The following SCGB1D4 variants were observed in gnomAD, a reference collection of about 807,000 sequenced individuals.
SCGB1D4 encodes the protein IFN-gamma inducible SCGB (IIS).
SCGB1D4 carries 6 observed loss-of-function variants against 8.1 expected under a neutral mutation model. The observed-to-expected ratio is 0.74, with a 90% CI of 0.40 to 1.45. The LOEUF is 1.45. Ranked by LOEUF, SCGB1D4 falls within the 40% of genes most tolerant of loss-of-function variation. SCGB1D4 has a pLI of 0.02. For missense variants in SCGB1D4, 93 were observed against 95.0 expected (o/e 0.98, Z 0.09); for synonymous variants, 34 against 38.1 (o/e 0.89, Z 0.39).
In SCGB1D4 at chr11:62,299,062, G is replaced by A. The variant is rs758499126; in HGVS notation, c.-52C>T. 3.7e-5 allele frequency: 59 copies of A among 1,586,220 alleles called. No individual in the cohort carries two copies. The highest frequency in any genetic ancestry group is 4.9e-5 in the Non-Finnish European group (57 of 1,160,120). Reference sequence around the variant, plus strand: ...CTTTCACAATGAGTGATTTGGATTCGACTCCAGGAGCCTGTGTAGTCATGG... The same window carrying A: ...CTTTCACAATGAGTGATTTGGATTCAACTCCAGGAGCCTGTGTAGTCATGG... On this transcript the variant is annotated 5_prime_UTR_variant, in exon 1 of 3. Coordinates refer to ENST00000358585, the MANE Select transcript of SCGB1D4 (RefSeq NM_206998.2).
chr11:62,297,733 C>T lies in SCGB1D4; in HGVS notation c.56-75G>A. The T allele has an allele frequency of 2.5e-6, 3 of 1,204,408 alleles. No individual in the cohort carries two copies. The South Asian group carries it at 4.1e-5, about 16-fold the overall frequency. 74.6% of individuals were successfully genotyped at this position (1,204,408 alleles called of 1,614,324 possible). A position where few individuals can be genotyped will look rare whatever the true frequency, so the allele number is the denominator to read the frequency against. On this transcript the variant is annotated intron_variant, in intron 1 of 2. Coordinates refer to ENST00000358585, the MANE Select transcript of SCGB1D4 (RefSeq NM_206998.2). ...CTCTCATGGCTCCCTGAGGTTACAC[C>T]AGACAGGATCCCCTGGGTTCTATGT...
In SCGB1D4 at chr11:62,299,073, C is replaced by T. The variant is rs1945468355; in HGVS notation, c.-63G>A. On this transcript the variant is annotated 5_prime_UTR_variant, in exon 1 of 3. Transcript: ENST00000358585. The stretch of plus-strand genomic sequence containing the variant: ...AGTGATTTGGATTCGACTCCAGGAG[C>T]CTGTGTAGTCATGGAGGCCAGGGCT... 1.3e-6 allele frequency: 2 copies of T among 1,553,118 alleles called. No homozygotes were observed. Among genetic ancestry groups the T allele is most frequent in the Non-Finnish European group, 1.8e-6 (2 of 1,135,028 alleles).
chr11:62,296,402 T>C lies in SCGB1D4; in HGVS notation c.*8A>G. The C allele has an allele frequency of 6.2e-7, 1 of 1,611,730 alleles. No individual in the cohort carries two copies. The highest frequency in any genetic ancestry group is 8.5e-7 in the Non-Finnish European group (1 of 1,178,572). ...GCATTTTTACATGTCACACACCACA[T>C]TTTTTCACTATTTCCACCTGAAATC... On this transcript the variant is annotated 3_prime_UTR_variant, in exon 3 of 3. Coordinates refer to ENST00000358585, the MANE Select transcript of SCGB1D4 (RefSeq NM_206998.2).
At chr11:62,298,478 G>A (rs548339931) in intron 1 of SCGB1D4, among the ~76,000 whole-genome samples, 1 of 152,152 alleles carries the variant, frequency 6.6e-6, no homozygotes. Flanking sequence ...GCTCTAAGCA[G>A]CCAGGCGCAG....
Position 62,297,515 on chromosome 11 carries a change from C to CCA in SCGB1D4, c.198_199insTG (p.Asp67TrpfsTer12). 1 of 1,607,468 alleles carries CCA rather than the reference C, an allele frequency of 6.2e-7. No homozygotes were observed. Among genetic ancestry groups the CCA allele is most frequent in the Non-Finnish European group, 8.5e-7 (1 of 1,175,954 alleles). ...AGTCGTTTCTTAAAAGATATCTGATCGGTGCAGTGCTTCACTTCCAACTTG... is the reference window on the plus strand; with the variant it reads ...AGTCGTTTCTTAAAAGATATCTGATCCAGGTGCAGTGCTTCACTTCCAACTTG... On this transcript the variant is annotated frameshift_variant, in exon 2 of 3. Coordinates refer to ENST00000358585, the MANE Select transcript of SCGB1D4 (RefSeq NM_206998.2). LOFTEE classifies it low-confidence loss of function (END_TRUNC).
rs745645177 is a variant in SCGB1D4 at position 62,297,655 on chromosome 11, TG to T, written c.58del (p.His20MetfsTer18). 1.2e-6 allele frequency: 2 copies of T among 1,608,834 alleles called. No homozygotes were observed. Among genetic ancestry groups the T allele is most frequent in the Non-Finnish European group, 1.7e-6 (2 of 1,178,418 alleles). Reference sequence around the variant, plus strand: ...AGCAACAGCTGGGCAGACAAGAGCATGGGCTGCAGCACAAAAATAAAAATAT... The same window carrying T: ...AGCAACAGCTGGGCAGACAAGAGCATGGCTGCAGCACAAAAATAAAAATAT... ...VSLALCCYQA[H>X]ALVCPAVASE... is the part of the protein sequence containing the mutation. On this transcript the variant is annotated frameshift_variant and splice_region_variant, in exon 2 of 3. Transcript: ENST00000358585. LOFTEE classifies it high-confidence loss of function.
chr11:62,298,542 T>A (rs1565139930), intron 1 of SCGB1D4, among the ~76,000 whole-genome samples: 1 of 152,078 alleles, frequency 6.6e-6, no homozygotes, highest in Non-Finnish European at 1.5e-5. Flanking sequence ...GCAGATCATC[T>A]GAGGTCGGGA....
At chr11:62,297,926 C>A (rs371097412) in intron 1 of SCGB1D4, among the ~76,000 whole-genome samples, 1 of 151,904 alleles carries the variant, frequency 6.6e-6, no homozygotes, top group Non-Finnish European at 1.5e-5. Context: ...CGGCTCACTG[C>A]AGCCTGAATG....
intron 1 of SCGB1D4, 90 bp from the exon 2 acceptor site, chr11:62,297,748 G>A: frequency 9.5e-7 from 1 of 1,053,158 alleles, no homozygotes; most frequent in Admixed American, 2.3e-5. Flanking sequence ...AGGATCCCCT[G>A]GGTTCTATGT....
chr11:62,298,263 G>GCTTATCACT (rs1460668205), intron 1 of SCGB1D4, among the ~76,000 whole-genome samples: 2 of 151,928 alleles, frequency 1.3e-5, no homozygotes, highest in African/African-American at 4.8e-5. Context: ...AACCACCAGT[G>GCTTATCACT]ATAAGAGGAG....
intron 2 of SCGB1D4, 105 bp downstream of exon 2, chr11:62,297,367 A>G: frequency 1.1e-6 from 1 of 919,750 alleles, no homozygotes; most frequent in Non-Finnish European, 1.7e-6. Context: ...TCCTCAGCAC[A>G]CTCTGGGGAC....
Position 62,298,988 on chromosome 11 carries a change from A to G in SCGB1D4, c.23T>C (p.Leu8Pro). Reference sequence around the variant, plus strand: ...GCAGCAAAGGGCCAGCGAGACCATCAGGAGACACACTGACAGCCTCATGGT... The same window carrying G: ...GCAGCAAAGGGCCAGCGAGACCATCGGGAGACACACTGACAGCCTCATGGT... MRLSVCL[L>P]MVSLALCCYQ... Residue 8 changes from leucine (L) to proline (P), a missense_variant, in exon 1 of 3, where the codon CTG becomes CCG. Leu to Pro is a moderately conservative substitution (Grantham distance 98). Transcript: ENST00000358585. 6.2e-7 allele frequency: 1 copy of G among 1,613,958 alleles called. No homozygotes were observed.
rs1023602508 is a variant in SCGB1D4 at position 62,296,563 on chromosome 11, A to T, written c.243-144T>A. On this transcript the variant is annotated intron_variant, in intron 2 of 2. Transcript: ENST00000358585. ...CAGAGGCAAGAATTCAGTTTGGGAA[A>T]CTGAGGCCTAGACCTGGTGGCCTTA... 105 of 789,640 alleles carry T rather than the reference A, an allele frequency of 1.3e-4. No individual in the cohort carries two copies. The Middle Eastern group carries it at 3.0e-3, about 23-fold the overall frequency. 48.9% of individuals were successfully genotyped at this position (789,640 alleles called of 1,614,324 possible).
At position 62,297,476 on chromosome 11, in the gene SCGB1D4, A is replaced by G. The variant is rs757867011; in HGVS notation, c.238T>C (p.Ser80Pro). Residue 80 changes from serine to proline, a missense_variant, in exon 2 of 3, where the codon TCC (serine) becomes CCC (proline). Ser to Pro is a moderately conservative substitution (Grantham distance 74, BLOSUM62 -1). Coordinates refer to ENST00000358585, the MANE Select transcript of SCGB1D4 (RefSeq NM_206998.2). ...SFKKRLSLKK[S>P]WWK ...CATAAAGGAGAAAGAAATTACCAGG[A>G]CTTTTTCAATGAGAGTCGTTTCTTA... The G allele has an allele frequency of 4.2e-5, 67 of 1,610,348 alleles. No homozygotes were observed. The highest frequency in any genetic ancestry group is 5.3e-5 in the Non-Finnish European group (62 of 1,177,838).
chr11:62,296,304 G>T lies in SCGB1D4; in HGVS notation c.*106C>A, dbSNP rs969594283. ...TGTGCAGGGCAAGTGATTTATTAAAGCAACGTGTTGAAACCTTTACAATTT... is the reference window on the plus strand; with the variant it reads ...TGTGCAGGGCAAGTGATTTATTAAATCAACGTGTTGAAACCTTTACAATTT... On this transcript the variant is annotated 3_prime_UTR_variant, in exon 3 of 3. Transcript: ENST00000358585. 9 of 983,550 alleles carry T rather than the reference G, an allele frequency of 9.2e-6. No homozygotes were observed. The highest frequency in any genetic ancestry group is 1.5e-5 in the Non-Finnish European group (9 of 609,310). 60.9% of individuals were successfully genotyped at this position (983,550 alleles called of 1,614,324 possible). A position where few individuals can be genotyped will look rare whatever the true frequency, so the allele number is the denominator to read the frequency against.
chr11:62,297,693 G>A, intron 1 of SCGB1D4, 35 bp from the exon 2 acceptor site: 1 of 1,590,508 alleles, frequency 6.3e-7, no homozygotes, highest in Admixed American at 1.7e-5. Flanking sequence ...GTTGATGTTA[G>A]GAAAGTCGAT....
intron 1 of SCGB1D4, among the ~76,000 whole-genome samples, chr11:62,297,931 T>C (rs1945455946): frequency 6.6e-6 from 1 of 151,852 alleles, no homozygotes; most frequent in Non-Finnish European, 1.5e-5. Flanking sequence ...CACTGCAGCC[T>C]GAATGTCTTG....
rs150971817 is a variant in SCGB1D4 at position 62,297,375 on chromosome 11, G to A, written c.242+97C>T. On this transcript the variant is annotated intron_variant, in intron 2 of 2. Coordinates refer to ENST00000358585, the MANE Select transcript of SCGB1D4 (RefSeq NM_206998.2). ...CCCCATGTCCTCAGCACACTCTGGG[G>A]ACACAGCATCCAGGCAGGTGACCTG... The A allele has an allele frequency of 9.8e-3, 9,720 of 996,744 alleles. 65 individuals are homozygous for A. The highest frequency in any genetic ancestry group is 0.012 in the Non-Finnish European group (7,996 of 652,860). 61.7% of individuals were successfully genotyped at this position (996,744 alleles called of 1,614,324 possible).
At chr11:62,298,063 T>G (rs1945459116) in intron 1 of SCGB1D4, among the ~76,000 whole-genome samples, 2 of 149,042 alleles carry the variant, frequency 1.3e-5, no homozygotes, top group African/African-American at 5.0e-5. Flanking sequence ...TTTGTTTTTT[T>G]TTTTTGTAGA....
Sources: gnomAD v4.1 joint callset for allele counts (sites outside exome capture counted in the v4.1 genomes callset) on GRCh38, gnomAD v4.1.1 for gene constraint, MANE v1.5 for transcripts, NCBI Gene and HGNC (gene_info 2026-07-23, HGNC 2026-07-21) for gene names.